Variants in UCHL3 observed in about 807,000 individuals in gnomAD.
UCHL3 encodes ubiquitin carboxyl-terminal hydrolase isozyme L3.
Under a neutral mutation model 35.8 loss-of-function variants are expected in UCHL3, and 22 were observed. That is an observed-to-expected ratio of 0.61 (90% CI 0.44 to 0.88). UCHL3 has a LOEUF of 0.88. Among genes scored for constraint, UCHL3 ranks in the 40% least tolerant of loss-of-function variants. The pLI is 0.00. For missense variants in UCHL3, 229 were observed against 276.9 expected (o/e 0.83, Z 1.23); for synonymous variants, 90 against 92.8 (o/e 0.97, Z 0.17).
At chr13:75,592,441 T>TAA (rs1307738393) in intron 6 of UCHL3, among the ~76,000 whole-genome samples, 1 of 106,734 alleles carries the variant, frequency 9.4e-6, no homozygotes, top group Non-Finnish European at 1.9e-5. Context: ...TATATATATA[T>TAA]ATATATATAT....
At chr13:75,570,247 G>GT (rs201672294) in intron 6 of UCHL3, among the ~76,000 whole-genome samples, 3,818 of 151,108 alleles carry the variant, frequency 0.025, 173 homozygotes, top group African/African-American at 0.086. Flanking sequence ...ACTTTTTTTT[G>GT]TTTTTTTTGA....
At chr13:75,555,795 G>A (rs1420625107) in intron 2 of UCHL3, among the ~76,000 whole-genome samples, 1 of 152,154 alleles carries the variant, frequency 6.6e-6, no homozygotes, top group Non-Finnish European at 1.5e-5. Context: ...GTCACACTAT[G>A]TTGCCCAGGC....
intron 5 of UCHL3, among the ~76,000 whole-genome samples, chr13:75,568,574 A>C (rs539006993): frequency 1.6e-4 from 25 of 151,950 alleles, no homozygotes; most frequent in Non-Finnish European, 3.1e-4. Flanking sequence ...ATTACATACC[A>C]GTAAGTATAT....
Position 75,571,908 on chromosome 13 carries a change from T to C in UCHL3, c.474+2401T>C, listed in dbSNP as rs574182896. On this transcript the variant is annotated intron_variant, in intron 6 of 8. Transcript: ENST00000377595. ...GAGTGAAAAAAAAAATGTTTGAGAA[T>C]GATTCCTCAAGCCTGTGCAGTCAGT... is the stretch of plus-strand genomic sequence containing the variant. 4.6e-5 allele frequency among the ~76,000 whole-genome samples: 7 copies of C among 152,254 alleles called. No individual in the cohort carries two copies. In the East Asian group the frequency reaches 1.3e-3, roughly 29 times the overall value.
In UCHL3 at chr13:75,549,999, GTCTGTCGCTCGGGACCTCGGAGTCTTT is replaced by G. The variant is rs780313144; in HGVS notation, c.54+19_54+45del. On this transcript the variant is annotated intron_variant, in intron 2 of 8. Transcript: ENST00000377595. ...AGGTCACCAACCAGGTGAGTGAGGTGTCTGTCGCTCGGGACCTCGGAGTCTTTTCTGTCTGCTCGGTCCGCTTCCCTG... is the reference window on the plus strand; with the variant it reads ...AGGTCACCAACCAGGTGAGTGAGGTGTCTGTCTGCTCGGTCCGCTTCCCTG... 1 of 1,614,258 alleles carries G rather than the reference GTCTGTCGCTCGGGACCTCGGAGTCTTT, an allele frequency of 6.2e-7. No homozygotes were observed. Among genetic ancestry groups the G allele is most frequent in the South Asian group, 1.1e-5 (1 of 91,090 alleles).
At chr13:75,562,377 A>G (rs2031546747) in intron 3 of UCHL3, among the ~76,000 whole-genome samples, 1 of 152,158 alleles carries the variant, frequency 6.6e-6, no homozygotes, top group Non-Finnish European at 1.5e-5. Context: ...CCCCTACACA[A>G]TGGTAAGGTT....
chr13:75,582,482 A>G (rs2032214489), intron 6 of UCHL3, among the ~76,000 whole-genome samples: 1 of 152,196 alleles, frequency 6.6e-6, no homozygotes, highest in Non-Finnish European at 1.5e-5. Context: ...ATGTCCTGGC[A>G]AACATTGGTG....
At chr13:75,573,943 C>T (rs546845560) in intron 6 of UCHL3, among the ~76,000 whole-genome samples, 2 of 152,224 alleles carry the variant, frequency 1.3e-5, no homozygotes, top group East Asian at 3.9e-4. Flanking sequence ...TCAGGCTGGG[C>T]GCGGTGGCTC....
At chr13:75,585,106 A>G (rs1407398619) in intron 6 of UCHL3, among the ~76,000 whole-genome samples, 1 of 152,118 alleles carries the variant, frequency 6.6e-6, no homozygotes, top group Non-Finnish European at 1.5e-5. Flanking sequence ...AAGTATTTGA[A>G]GGGTAATGGC....
At chr13:75,578,869 T>G (rs767289613) in intron 6 of UCHL3, among the ~76,000 whole-genome samples, 17 of 152,174 alleles carry the variant, frequency 1.1e-4, no homozygotes, top group South Asian at 6.2e-4. Context: ...TGTGTTTGTG[T>G]GGGTGTGTAT....
At chr13:75,586,749 T>C (rs888692150) in intron 6 of UCHL3, among the ~76,000 whole-genome samples, 1 of 151,960 alleles carries the variant, frequency 6.6e-6, no homozygotes, top group Non-Finnish European at 1.5e-5. Flanking sequence ...AATATTTAGA[T>C]ATTCAATAGT....
At chr13:75,552,640 C>T (rs952026601) in intron 2 of UCHL3, among the ~76,000 whole-genome samples, 4 of 152,124 alleles carry the variant, frequency 2.6e-5, no homozygotes, top group African/African-American at 9.7e-5. Flanking sequence ...ACAGGTAGGA[C>T]TTAATCAGAA....
chr13:75,576,038 C>T lies in UCHL3; in HGVS notation c.474+6531C>T, dbSNP rs7985066. ...AAGTGCTGGCATTACAGGTGTGAGC[C>T]ACCGCCCCAGCCAAACACTTTCAAT... On this transcript the variant is annotated intron_variant, in intron 6 of 8. Transcript: ENST00000377595. 3.4e-3 allele frequency among the ~76,000 whole-genome samples: 522 copies of T among 152,234 alleles called. 2 individuals are homozygous for T. Among genetic ancestry groups the T allele is most frequent in the African/African-American group, 0.012 (503 of 41,532 alleles).
chr13:75,596,796 A>G (rs2032656874), intron 7 of UCHL3, among the ~76,000 whole-genome samples: 1 of 152,346 alleles, frequency 6.6e-6, no homozygotes, highest in South Asian at 2.1e-4. Flanking sequence ...AAGGAAGGAC[A>G]TATATCAAGG....
rs571626227 is a variant in UCHL3 at position 75,589,147 on chromosome 13, AT to A, written c.475-5765del. On this transcript the variant is annotated intron_variant, in intron 6 of 8. Transcript: ENST00000377595. The stretch of plus-strand genomic sequence containing the variant: ...TAAGATCATTGGACTCTAGAACTTG[AT>A]TTCCTGGGTCTGAATCCCGGTTCTG... Among the ~76,000 whole-genome samples, 9 of 152,124 alleles carry A rather than the reference AT, an allele frequency of 5.9e-5. No homozygotes were observed. In the East Asian group the frequency reaches 1.7e-3, roughly 29 times the overall value.
intron 6 of UCHL3, among the ~76,000 whole-genome samples, chr13:75,580,078 G>A (rs992113629): frequency 6.6e-6 from 1 of 152,184 alleles, no homozygotes; most frequent in Non-Finnish European, 1.5e-5. Flanking sequence ...ATATCTTGAT[G>A]TCTGTGGGCA....
At position 75,558,711 on chromosome 13, in the gene UCHL3, T is replaced by C. The variant is rs181454602; in HGVS notation, c.55-2042T>C. 6.6e-4 allele frequency among the ~76,000 whole-genome samples: 101 copies of C among 152,336 alleles called. 1 individual carries two copies. Among genetic ancestry groups the C allele is most frequent in the Non-Finnish European group, 7.8e-4 (53 of 68,032 alleles). Reference sequence around the variant, plus strand: ...TATAGACATACAGATGGCTAGGTTATCTACTAAAGTAGAGATGTAATCTTT... The same window carrying C: ...TATAGACATACAGATGGCTAGGTTACCTACTAAAGTAGAGATGTAATCTTT... On this transcript the variant is annotated intron_variant, in intron 2 of 8. Transcript: ENST00000377595.
chr13:75,594,004 C>T (rs190251326), intron 6 of UCHL3, among the ~76,000 whole-genome samples: 249 of 152,198 alleles, frequency 1.6e-3, no homozygotes, highest in Non-Finnish European at 2.0e-3. Context: ...AATTTGTGCT[C>T]TATTTGCATT....
At chr13:75,589,991 C>G (rs2032434944) in intron 6 of UCHL3, 1 of 1,304,820 alleles carries the variant, frequency 7.7e-7, no homozygotes, top group Non-Finnish European at 1.0e-6. Context: ...GAACGAAGGC[C>G]TCATCATTGT....
Sources: allele counts gnomAD v4.1 joint callset (sites outside exome capture counted in the v4.1 genomes callset), GRCh38; gene constraint gnomAD v4.1.1; transcripts MANE v1.5; gene names NCBI Gene and HGNC (gene_info 2026-07-23, HGNC 2026-07-21).